The following CLASP1 variants were observed in gnomAD, a reference collection of about 807,000 sequenced individuals.
CLASP1 encodes the protein cytoplasmic linker associated protein 1.
Under a neutral mutation model 192.3 loss-of-function variants are expected in CLASP1, and 38 were observed. The ratio of observed to expected loss-of-function variants is 0.20; its 90% CI spans 0.15 to 0.26. The LOEUF is 0.26. CLASP1 is among the 10% of genes least tolerant of loss of function. The pLI, the probability that CLASP1 is intolerant of heterozygous loss-of-function variation, is 1.00. For missense variants in CLASP1, 1,433 were observed against 1,932.5 expected, an observed-to-expected ratio of 0.74 and a Z score of 4.85; for synonymous variants, 691 against 712.8, an observed-to-expected ratio of 0.97 and a Z score of 0.49.
At position 121,613,248 on chromosome 2, in the gene CLASP1, C is replaced by T. The variant is rs550795560; in HGVS notation, c.-285-7068G>A. Among the ~76,000 whole-genome samples the T allele has an allele frequency of 7.3e-4, 111 of 152,322 alleles. 1 individual carries two copies. Among genetic ancestry groups the T allele is most frequent in the African/African-American group, 2.4e-3 (98 of 41,574 alleles). On this transcript the variant is annotated intron_variant, in intron 1 of 39. Coordinates refer to ENST00000263710, the Ensembl canonical transcript of CLASP1. ...CCAACATCAACATTCTCTGCCCCCACTACAGTAGTTAGGTTCCAAGCATCT... is the reference window on the plus strand; with the variant it reads ...CCAACATCAACATTCTCTGCCCCCATTACAGTAGTTAGGTTCCAAGCATCT...
chr2:121,393,133 G>A (rs1223797648), intron 30 of CLASP1, among the ~76,000 whole-genome samples: 1 of 152,174 alleles, frequency 6.6e-6, no homozygotes, highest in Non-Finnish European at 1.5e-5. Context: ...TGGACTTAGA[G>A]AATGAATTAT....
chr2:121,347,778 T>G (rs2063641544), intron 38 of CLASP1, among the ~76,000 whole-genome samples: 1 of 152,200 alleles, frequency 6.6e-6, no homozygotes, highest in Non-Finnish European at 1.5e-5. Flanking sequence ...TCCCTTTGTT[T>G]GGAATAATCT....
At chr2:121,645,785 T>C (rs1307229656) in intron 1 of CLASP1, among the ~76,000 whole-genome samples, 2 of 152,116 alleles carry the variant, frequency 1.3e-5, no homozygotes, top group Non-Finnish European at 2.9e-5. Context: ...CTGAGCTAGA[T>C]CTTTAGGATC....
At chr2:121,618,311 T>C (rs916615666) in intron 1 of CLASP1, among the ~76,000 whole-genome samples, 6 of 152,230 alleles carry the variant, frequency 3.9e-5, no homozygotes, top group Admixed American at 1.3e-4. Context: ...CTGGCAGTCA[T>C]AAGTTGAGTT....
chr2:121,530,722 G>T (rs2094763350), intron 2 of CLASP1: 5 of 514,980 alleles, frequency 9.7e-6, no homozygotes, highest in Non-Finnish European at 1.7e-5. Flanking sequence ...CGACCCTTCG[G>T]GAGCCTCAGA....
chr2:121,340,981 A>G (rs1192628678), intron 39 of CLASP1, 34 bp from the exon 41 acceptor site: 1 of 1,430,500 alleles, frequency 7.0e-7, no homozygotes, highest in Admixed American at 1.9e-5. Context: ...ATTAGCAGGA[A>G]GAAAAGCAAT....
intron 37 of CLASP1, among the ~76,000 whole-genome samples, chr2:121,359,959 C>T (rs2066059745): frequency 6.6e-6 from 1 of 152,196 alleles, no homozygotes; most frequent in Non-Finnish European, 1.5e-5. Context: ...AAAGCAGACG[C>T]TTGCTTATAT....
chr2:121,375,014 G>A (rs909101087), intron 34 of CLASP1, among the ~76,000 whole-genome samples: 10 of 152,122 alleles, frequency 6.6e-5, no homozygotes, highest in African/African-American at 2.4e-5. Flanking sequence ...TATGGGAGGG[G>A]CCGGGGGTAG....
At chr2:121,359,864 G>A (rs1205722162) in intron 37 of CLASP1, among the ~76,000 whole-genome samples, 1 of 152,196 alleles carries the variant, frequency 6.6e-6, no homozygotes, top group African/African-American at 2.4e-5. Context: ...GATGAATGGT[G>A]TCTGAGACAG....
chr2:121,478,514 T>A (rs2091920497), intron 8 of CLASP1, among the ~76,000 whole-genome samples: 1 of 151,618 alleles, frequency 6.6e-6, no homozygotes, highest in Non-Finnish European at 1.5e-5. Flanking sequence ...GGCAGGAGGA[T>A]CGCCTGAAGC....
At position 121,397,370 on chromosome 2, in the gene CLASP1, C is replaced by T. The variant is rs1014325806; in HGVS notation, c.2980-87G>A. 3.5e-6 allele frequency: 4 copies of T among 1,151,338 alleles called. No individual in the cohort carries two copies. In the African/African-American group the frequency reaches 6.1e-5, roughly 18 times the overall value. The allele number at this position is 1,151,338 out of a possible 1,614,324, so 71.3% of individuals were successfully genotyped here. ...ATCAGGTGGCCAGAGAAAAGTAAAC[C>T]CTGGTGAGGGGGATCTCCTTCCTTT... On this transcript the variant is annotated intron_variant, in intron 29 of 39. Coordinates refer to ENST00000263710, the Ensembl canonical transcript of CLASP1.
chr2:121,596,540 C>G (rs2063161578), intron 2 of CLASP1, among the ~76,000 whole-genome samples: 1 of 152,210 alleles, frequency 6.6e-6, no homozygotes, highest in African/African-American at 2.4e-5. Flanking sequence ...TATCTGTCAA[C>G]ACAGTCTCCT....
intron 37 of CLASP1, among the ~76,000 whole-genome samples, chr2:121,352,245 G>A (rs955644671): frequency 6.6e-6 from 1 of 152,224 alleles, no homozygotes; most frequent in Non-Finnish European, 1.5e-5. Flanking sequence ...ATGCACAGCC[G>A]GCCTGCCCTG....
At chr2:121,508,836 T>C (rs2094024605) in intron 7 of CLASP1, among the ~76,000 whole-genome samples, 2 of 152,198 alleles carry the variant, frequency 1.3e-5, no homozygotes, top group East Asian at 3.9e-4. Flanking sequence ...AGAGCTAGAA[T>C]GGTTATAGTG....
chr2:121,416,719 T>C (rs1224782440), intron 23 of CLASP1, among the ~76,000 whole-genome samples: 1 of 152,198 alleles, frequency 6.6e-6, no homozygotes, highest in African/African-American at 2.4e-5. Context: ...TGAAAGACAC[T>C]GAATTATCCA....
At chr2:121,527,806 G>C (rs751604073) in exon 5 of CLASP1, 2 of 1,612,320 alleles carry the variant, frequency 1.2e-6, no homozygotes, top group East Asian at 4.5e-5. Flanking sequence ...TACGCATTGA[G>C]TGTTGCTATA....
At chr2:121,620,396 C>A (rs1271148200) in intron 1 of CLASP1, among the ~76,000 whole-genome samples, 1 of 151,896 alleles carries the variant, frequency 6.6e-6, no homozygotes, top group Non-Finnish European at 1.5e-5. Context: ...TGTTGCCAGG[C>A]TGGAGTGCAG....
At chr2:121,631,107 C>T (rs762451167) in intron 1 of CLASP1, among the ~76,000 whole-genome samples, 2 of 118,410 alleles carry the variant, frequency 1.7e-5, no homozygotes, top group South Asian at 2.9e-4. Context: ...TGCAGTGAGC[C>T]GAGATTGCGC....
chr2:121,481,035 C>T (rs2092559945), intron 8 of CLASP1, among the ~76,000 whole-genome samples: 1 of 152,214 alleles, frequency 6.6e-6, no homozygotes, highest in Non-Finnish European at 1.5e-5. Context: ...CAAGTCACTC[C>T]CCTTCTCCCT....
Sources: allele counts gnomAD v4.1 joint callset (sites outside exome capture counted in the v4.1 genomes callset), GRCh38; gene constraint gnomAD v4.1.1; transcripts MANE v1.5; gene names NCBI Gene and HGNC (gene_info 2026-07-23, HGNC 2026-07-21).